The following RXFP2 variants were observed in gnomAD, a reference collection of about 807,000 sequenced individuals.
RXFP2 encodes the protein relaxin receptor 2.
In RXFP2, 68 loss-of-function variants were observed where a neutral mutation model predicts 88.6. The ratio of observed to expected loss-of-function variants is 0.77; its 90% confidence interval spans 0.63 to 0.94. The LOEUF (loss-of-function observed/expected upper bound fraction) is 0.94, where lower values mean the gene tolerates loss of function less well. Among genes scored for constraint, RXFP2 ranks in the 40% least tolerant of loss-of-function variants. The pLI is 0.00. For synonymous variants in RXFP2, 329 were observed against 306.8 expected (o/e 1.07, Z -0.76); for missense variants, 791 against 893.9 (o/e 0.88, Z 1.47).
intron 8 of RXFP2, 118 bp downstream of exon 8, chr13:31,777,565 C>G (rs1287807616): frequency 2.8e-6 from 2 of 724,094 alleles, no homozygotes; most frequent in Non-Finnish European, 4.8e-6. Context: ...TTAGTCAAAA[C>G]TTCTCCTGTG....
At chr13:31,766,862 T>C (rs765591080) in intron 5 of RXFP2, among the ~76,000 whole-genome samples, 1 of 152,174 alleles carries the variant, frequency 6.6e-6, no homozygotes, top group Non-Finnish European at 1.5e-5. Flanking sequence ...GTATCAGTCA[T>C]TTGTAAGTTG....
intron 2 of RXFP2, among the ~76,000 whole-genome samples, chr13:31,759,095 A>T (rs1872124633): frequency 6.6e-6 from 1 of 151,316 alleles, no homozygotes; most frequent in Non-Finnish European, 1.5e-5. Flanking sequence ...CTAAAGAATT[A>T]ATTGATAGAA....
chr13:31,780,099 A>C (rs890922170), intron 9 of RXFP2, among the ~76,000 whole-genome samples: 8 of 152,264 alleles, frequency 5.3e-5, no homozygotes, highest in African/African-American at 1.4e-4. Flanking sequence ...ATCAGTCAGC[A>C]GGAGGTGAGG....
chr13:31,792,303 T>C (rs892065299), intron 15 of RXFP2, among the ~76,000 whole-genome samples: 1 of 152,180 alleles, frequency 6.6e-6, no homozygotes, highest in African/African-American at 2.4e-5. Flanking sequence ...TAAAGTTTTG[T>C]GGGTGATAAA....
intron 8 of RXFP2, 121 bp downstream of exon 8, chr13:31,777,568 C>G (rs1873051158): frequency 9.9e-6 from 7 of 710,238 alleles, no homozygotes; most frequent in Non-Finnish European, 1.7e-5. Context: ...GTCAAAACTT[C>G]TCCTGTGTTT....
rs754679943 is a variant in RXFP2, at chr13:31,791,786, T to A, written c.1146-20T>A. ...TGTATCATTGCTGCAAAGTGACACT[T>A]TTTTTCCCTTTGACTTTAGTTATTT... is the stretch of plus-strand genomic sequence containing the variant. On this transcript the variant is annotated intron_variant, in intron 14 of 17. Transcript: ENST00000298386. The A allele has an allele frequency of 1.5e-5, 23 of 1,565,352 alleles. No individual in the cohort carries two copies. In the South Asian group the frequency reaches 2.2e-4, roughly 15 times the overall value.
At chr13:31,752,626 C>T (rs1871721234) in intron 1 of RXFP2, among the ~76,000 whole-genome samples, 1 of 152,040 alleles carries the variant, frequency 6.6e-6, no homozygotes, top group Non-Finnish European at 1.5e-5. Flanking sequence ...TTAAGAAAGA[C>T]TTTCCTAGTT....
intron 14 of RXFP2, among the ~76,000 whole-genome samples, chr13:31,790,891 G>A (rs1449937811): frequency 6.6e-6 from 1 of 152,146 alleles, no homozygotes; most frequent in African/African-American, 2.4e-5. Flanking sequence ...GCATGAGCAT[G>A]GCTTGTCTGA....
At chr13:31,745,874 T>C (rs1566211664) in intron 1 of RXFP2, among the ~76,000 whole-genome samples, 1 of 152,144 alleles carries the variant, frequency 6.6e-6, no homozygotes, top group South Asian at 2.1e-4. Context: ...TGGGTGAACA[T>C]ACAGACACCA....
intron 1 of RXFP2, among the ~76,000 whole-genome samples, chr13:31,740,647 T>A (rs893469921): frequency 6.6e-6 from 1 of 152,038 alleles, no homozygotes; most frequent in African/African-American, 2.4e-5. Flanking sequence ...TTTTAAAACT[T>A]CTAACAAACA....
intron 2 of RXFP2, among the ~76,000 whole-genome samples, 178 bp downstream of exon 2, chr13:31,758,582 G>A (rs1048182631): frequency 6.6e-6 from 1 of 152,118 alleles, no homozygotes; most frequent in Non-Finnish European, 1.5e-5. Flanking sequence ...CTGAATTTTT[G>A]TAGGTACAGG....
chr13:31,787,385 A>G (rs992555562), intron 13 of RXFP2, among the ~76,000 whole-genome samples: 20 of 152,340 alleles, frequency 1.3e-4, no homozygotes, highest in Non-Finnish European at 2.9e-4. Context: ...GTGAGCATCC[A>G]CTGATGAAAA....
intron 4 of RXFP2, among the ~76,000 whole-genome samples, 187 bp downstream of exon 4, chr13:31,765,329 T>A (rs1391667425): frequency 6.6e-6 from 1 of 152,218 alleles, no homozygotes; most frequent in East Asian, 1.9e-4. Context: ...TATGTTAGAT[T>A]AGCCTGTCAT....
chr13:31,768,193 T>A (rs1010248615), intron 5 of RXFP2, among the ~76,000 whole-genome samples: 3 of 152,190 alleles, frequency 2.0e-5, no homozygotes, highest in African/African-American at 7.2e-5. Context: ...AGGCACCACA[T>A]CATAACCTGA....
Position 31,802,769 on chromosome 13 carries a change from T to G in RXFP2, c.*364T>G, listed in dbSNP as rs1021777834. 1 of 215,720 alleles carries G rather than the reference T, an allele frequency of 4.6e-6. No individual in the cohort carries two copies. Among genetic ancestry groups the G allele is most frequent in the Non-Finnish European group, 9.4e-6 (1 of 106,436 alleles). 13.4% of individuals were successfully genotyped at this position (215,720 alleles called of 1,614,324 possible). A position where few individuals can be genotyped will look rare whatever the true frequency, so the allele number is the denominator to read the frequency against. On this transcript the variant is annotated 3_prime_UTR_variant, in exon 18 of 18. Coordinates refer to ENST00000298386, the MANE Select transcript of RXFP2 (RefSeq NM_130806.5). The stretch of plus-strand genomic sequence containing the variant: ...TGCACTGTCCATGAAATAGAAACAC[T>G]CACAACATCTGATTCCAGTGTGGCC...
chr13:31,780,444 A>G (rs1442037118), intron 9 of RXFP2, among the ~76,000 whole-genome samples: 1 of 152,174 alleles, frequency 6.6e-6, no homozygotes, highest in African/African-American at 2.4e-5. Flanking sequence ...TTAGGAGAGT[A>G]TGGTGTTTGT....
intron 16 of RXFP2, among the ~76,000 whole-genome samples, chr13:31,794,582 G>T (rs1203886462): frequency 6.6e-6 from 1 of 152,096 alleles, no homozygotes; most frequent in Non-Finnish European, 1.5e-5. Flanking sequence ...GCTGATAAAT[G>T]CCATCAAGGA....
chr13:31,772,474 A>T (rs1269383313), intron 5 of RXFP2, among the ~76,000 whole-genome samples: 1 of 152,230 alleles, frequency 6.6e-6, no homozygotes, highest in Non-Finnish European at 1.5e-5. Flanking sequence ...TCCTTAGAAA[A>T]GGCATTCGGT....
chr13:31,779,263 T>C (rs982748668), intron 9 of RXFP2, among the ~76,000 whole-genome samples: 1 of 151,900 alleles, frequency 6.6e-6, no homozygotes, highest in African/African-American at 2.4e-5. Context: ...GTATCTGGGA[T>C]TACAGGCATG....
Sources: gnomAD v4.1 joint callset for allele counts (sites outside exome capture counted in the v4.1 genomes callset) on GRCh38, gnomAD v4.1.1 for gene constraint, MANE v1.5 for transcripts, NCBI Gene and HGNC (gene_info 2026-07-23, HGNC 2026-07-21) for gene names.